GABRG3: variants seen among roughly 807,000 people sequenced by gnomAD.
GABRG3 encodes gamma-aminobutyric acid type A receptor subunit gamma3, also known as gamma-aminobutyric acid receptor subunit gamma-3.
Under a neutral mutation model 48.8 loss-of-function variants are expected in GABRG3, and 25 were observed. That is an observed-to-expected ratio of 0.51 (90% CI 0.37 to 0.72). GABRG3 has a LOEUF of 0.72. Ranked by LOEUF, GABRG3 falls within the 30% of genes least tolerant of loss-of-function variation. The pLI is 0.00. For missense variants in GABRG3, 394 were observed against 577.9 expected, an observed-to-expected ratio of 0.68 and a Z score of 3.26; for synonymous variants, 227 against 217.6, an observed-to-expected ratio of 1.04 and a Z score of -0.38.
intron 2 of GABRG3, among the ~76,000 whole-genome samples, chr15:27,018,178 G>T (rs1397982429): frequency 6.6e-6 from 1 of 152,202 alleles, no homozygotes; most frequent in Non-Finnish European, 1.5e-5. Flanking sequence ...TCAAATTTAA[G>T]TGACTTTCTC....
intron 5 of GABRG3, among the ~76,000 whole-genome samples, chr15:27,438,192 C>G (rs552218967): frequency 2.0e-5 from 3 of 152,268 alleles, no homozygotes; most frequent in Non-Finnish European, 2.9e-5. Context: ...AGAAGCCAGC[C>G]AGGTTCCACT....
At chr15:27,162,295 C>T (rs1595560269) in intron 3 of GABRG3, among the ~76,000 whole-genome samples, 1 of 152,294 alleles carries the variant, frequency 6.6e-6, no homozygotes, top group African/African-American at 2.4e-5. Flanking sequence ...ATTTGGTACT[C>T]TGTTCACTCC....
intron 3 of GABRG3, among the ~76,000 whole-genome samples, chr15:27,255,884 A>G (rs1595616818): frequency 6.6e-6 from 1 of 151,712 alleles, no homozygotes; most frequent in East Asian, 1.9e-4. Flanking sequence ...CGGGAAGAGC[A>G]TGTGTTTAGT....
At chr15:27,505,596 A>G (rs918320119) in intron 6 of GABRG3, among the ~76,000 whole-genome samples, 2 of 152,084 alleles carry the variant, frequency 1.3e-5, no homozygotes, top group African/African-American at 4.8e-5. Flanking sequence ...GTTGAGTTAC[A>G]TTGATTGATT....
At chr15:26,977,641 C>T (rs1233342980) in intron 2 of GABRG3, among the ~76,000 whole-genome samples, 2 of 152,166 alleles carry the variant, frequency 1.3e-5, no homozygotes, top group Non-Finnish European at 2.9e-5. Context: ...CAAGTTGTTA[C>T]ATGTGTCAGT....
rs1015492563 is a variant in GABRG3 at position 27,532,981 on chromosome 15, C to T, written c.*100C>T. The T allele has an allele frequency of 9.2e-6, 10 of 1,090,084 alleles. No homozygotes were observed. Among genetic ancestry groups the T allele is most frequent in the East Asian group, 2.5e-5 (1 of 40,566 alleles). 67.5% of individuals were successfully genotyped at this position (1,090,084 alleles called of 1,614,324 possible). A position where few individuals can be genotyped will look rare whatever the true frequency, so the allele number is the denominator to read the frequency against. On this transcript the variant is annotated 3_prime_UTR_variant, in exon 10 of 10. Transcript: ENST00000615808. ...CAATCGGGAGTAGCAAGGAAGGACA[C>T]TGCCCAGTGTATCTTGTTATAAATG... is the stretch of plus-strand genomic sequence containing the variant.
In GABRG3 at chr15:27,352,235, C is replaced by T. The variant is rs1044133898; in HGVS notation, c.574+23347C>T. Among the ~76,000 whole-genome samples the T allele has an allele frequency of 6.6e-6, 1 of 151,560 alleles. No homozygotes were observed. The highest frequency in any genetic ancestry group is 2.1e-4 in the South Asian group (1 of 4,820). ...ACTGCGTGGCAGTGTAGGGATTCTG[C>T]CAGACCGTTCAGCTAATCTCCGTCT... On this transcript the variant is annotated intron_variant, in intron 5 of 9. Coordinates refer to ENST00000615808, the MANE Select transcript of GABRG3 (RefSeq NM_033223.5). The surrounding 1 kb of genome is among the most constrained non-coding windows in gnomAD (Gnocchi z 4.0).
At chr15:27,341,573 TA>T (rs1201633085) in intron 5 of GABRG3, among the ~76,000 whole-genome samples, 10 of 152,100 alleles carry the variant, frequency 6.6e-5, no homozygotes, top group Non-Finnish European at 1.3e-4. Flanking sequence ...CCTGTTTTTT[TA>T]AGCACCCTTC....
chr15:27,482,312 G>A (rs572746780), intron 6 of GABRG3, among the ~76,000 whole-genome samples: 6 of 152,304 alleles, frequency 3.9e-5, no homozygotes, highest in South Asian at 4.2e-4. Context: ...CGCTCGGGAC[G>A]GACGCATGGT....
intron 3 of GABRG3, among the ~76,000 whole-genome samples, chr15:27,033,790 A>AT (rs1292796501): frequency 2.0e-5 from 3 of 152,148 alleles, no homozygotes; most frequent in Non-Finnish European, 4.4e-5. Context: ...GCTGTCGTAG[A>AT]TTTTTTTGTG....
rs1209583579 is a variant in GABRG3 at position 27,298,955 on chromosome 15, A to T, written c.271-27854A>T. 3.3e-5 allele frequency among the ~76,000 whole-genome samples: 5 copies of T among 152,168 alleles called. No individual in the cohort carries two copies. In the East Asian group the frequency reaches 9.6e-4, roughly 29 times the overall value. Reference sequence around the variant, plus strand: ...TGTTCTGGGTTAAATGAACAACAACAACAAAAAATGCTTCATTTTTATCTC... The same window carrying T: ...TGTTCTGGGTTAAATGAACAACAACTACAAAAAATGCTTCATTTTTATCTC... On this transcript the variant is annotated intron_variant, in intron 3 of 9. Coordinates refer to ENST00000615808, the MANE Select transcript of GABRG3 (RefSeq NM_033223.5).
At chr15:27,407,916 T>C (rs928507396) in intron 5 of GABRG3, among the ~76,000 whole-genome samples, 2 of 152,132 alleles carry the variant, frequency 1.3e-5, no homozygotes, top group African/African-American at 4.8e-5. Flanking sequence ...TTTGTCCAGA[T>C]CCATAGAATG....
At chr15:27,028,921 A>G (rs1050320541) in intron 3 of GABRG3, among the ~76,000 whole-genome samples, 2 of 152,054 alleles carry the variant, frequency 1.3e-5, no homozygotes, top group Admixed American at 6.5e-5. Flanking sequence ...GAAATCATGA[A>G]CTCTGATCCT....
chr15:27,403,914 C>CAAAAAAAAAA (rs528760544), intron 5 of GABRG3, among the ~76,000 whole-genome samples: 18 of 68,472 alleles, frequency 2.6e-4, no homozygotes, highest in Non-Finnish European at 3.5e-4. Flanking sequence ...CAAAAAAAAA[C>CAAAAAAAAAA]AAAAAAAAAA....
chr15:27,443,283 A>T (rs2140634719), intron 5 of GABRG3, among the ~76,000 whole-genome samples: 1 of 152,282 alleles, frequency 6.6e-6, no homozygotes, highest in Non-Finnish European at 1.5e-5. Flanking sequence ...TTAATAGGCC[A>T]ATTTGCAAAG....
intron 3 of GABRG3, among the ~76,000 whole-genome samples, chr15:27,290,720 G>C (rs1256142306): frequency 6.6e-6 from 1 of 152,140 alleles, no homozygotes; most frequent in Non-Finnish European, 1.5e-5. Flanking sequence ...GGAGCCTAAG[G>C]GGGACATGAT....
At chr15:27,035,956 C>T (rs12903002) in intron 3 of GABRG3, among the ~76,000 whole-genome samples, 30,120 of 152,092 alleles carry the variant, frequency 0.2, 3,692 homozygotes, top group South Asian at 0.34. Flanking sequence ...ATATAACCTC[C>T]AAGACAGTGG....
At chr15:27,251,574 A>G (rs1191653395) in intron 3 of GABRG3, among the ~76,000 whole-genome samples, 1 of 152,230 alleles carries the variant, frequency 6.6e-6, no homozygotes, top group African/African-American at 2.4e-5. Flanking sequence ...CTACAGATGA[A>G]TTACAGTGCA....
chr15:27,484,382 A>C (rs1326971196), intron 6 of GABRG3, among the ~76,000 whole-genome samples: 2 of 152,240 alleles, frequency 1.3e-5, no homozygotes, highest in Non-Finnish European at 2.9e-5. Context: ...AATTCAAGGA[A>C]GTGTACCTTG....
Sources: allele counts gnomAD v4.1 joint callset (sites outside exome capture counted in the v4.1 genomes callset), GRCh38; gene constraint gnomAD v4.1.1; non-coding constraint Gnocchi (gnomAD v3.1); transcripts MANE v1.5; gene names NCBI Gene and HGNC (gene_info 2026-07-23, HGNC 2026-07-21).